ARMC2: variants seen among roughly 807,000 people sequenced by gnomAD.
ARMC2 encodes armadillo repeat-containing protein 2.
Under a neutral mutation model 90.3 loss-of-function variants are expected in ARMC2, and 67 were observed. The observed-to-expected ratio is 0.74, with a 90% CI of 0.61 to 0.91. ARMC2 has a LOEUF of 0.91. Among genes scored for constraint, ARMC2 ranks in the 40% least tolerant of loss-of-function variants. ARMC2 has a pLI of 0.00. For missense variants in ARMC2, 920 were observed against 1,030.9 expected, an observed-to-expected ratio of 0.89 and a Z score of 1.47; for synonymous variants, 393 against 393.0, an observed-to-expected ratio of 1.00 and a Z score of 0.00.
the ARMC2 span, among the ~76,000 whole-genome samples, chr6:108,983,322 TTC>T: frequency 1.3e-5 from 2 of 152,224 alleles, no homozygotes; most frequent in Non-Finnish European, 2.9e-5. Flanking sequence ...TGCCCATAAT[TTC>T]TGTGTCATAT....
At chr6:108,994,913 C>A in the ARMC2 span, among the ~76,000 whole-genome samples, 3 of 152,018 alleles carry the variant, frequency 2.0e-5, no homozygotes, top group Non-Finnish European at 4.4e-5. Context: ...CCGTGTTAGC[C>A]AGGAATGGTC....
chr6:108,929,505 C>T (rs187203862), intron 11 of ARMC2, among the ~76,000 whole-genome samples: 44 of 152,194 alleles, frequency 2.9e-4, no homozygotes, highest in Admixed American at 2.4e-3. Flanking sequence ...GATGGGGTCT[C>T]GCTTTGTCAC....
intron 3 of ARMC2, 90 bp from the exon 4 acceptor site, chr6:108,868,734 C>A: frequency 1.6e-6 from 2 of 1,227,566 alleles, no homozygotes; most frequent in Non-Finnish European, 2.3e-6. Context: ...AGGCCTTGTG[C>A]TCTTCTGGAA....
chr6:108,898,012 C>T (rs1009426466), intron 6 of ARMC2, among the ~76,000 whole-genome samples: 2 of 151,980 alleles, frequency 1.3e-5, no homozygotes, highest in Non-Finnish European at 2.9e-5. Flanking sequence ...CAGAAGAGCG[C>T]ATAAAAGAAA....
At chr6:109,017,995 C>T in the ARMC2 span, among the ~76,000 whole-genome samples, 3 of 152,108 alleles carry the variant, frequency 2.0e-5, no homozygotes, top group African/African-American at 7.2e-5. Flanking sequence ...GGCGAGAACC[C>T]TGTCTCTTTC....
At chr6:108,850,360 T>C (rs891856145) in intron 1 of ARMC2, among the ~76,000 whole-genome samples, 3 of 152,180 alleles carry the variant, frequency 2.0e-5, no homozygotes, top group Admixed American at 6.5e-5. Flanking sequence ...CTGGCTCCCC[T>C]AGGTTTGCAT....
chr6:108,854,555 C>A, intron 2 of ARMC2, 70 bp downstream of exon 2: 1 of 1,426,372 alleles, frequency 7.0e-7, no homozygotes, highest in Non-Finnish European at 9.7e-7. Context: ...CTTAATTCTA[C>A]TTAAGGTTAG....
chr6:108,867,256 G>C lies in ARMC2; in HGVS notation c.292-1568G>C, dbSNP rs147128951. Among the ~76,000 whole-genome samples the C allele has an allele frequency of 4.0e-3, 616 of 152,292 alleles. 2 individuals carry two copies. The highest frequency in any genetic ancestry group is 0.014 in the African/African-American group (577 of 41,544). Reference sequence around the variant, plus strand: ...AGGCAACTGTAAAACTAGGAGCTGAGTCACCCTGTGAGGGTCTGGCATCAG... The same window carrying C: ...AGGCAACTGTAAAACTAGGAGCTGACTCACCCTGTGAGGGTCTGGCATCAG... On this transcript the variant is annotated intron_variant, in intron 3 of 17. Coordinates refer to ENST00000392644, the MANE Select transcript of ARMC2 (RefSeq NM_032131.6).
At chr6:108,993,870 G>A in the ARMC2 span, among the ~76,000 whole-genome samples, 6 of 151,584 alleles carry the variant, frequency 4.0e-5, no homozygotes, top group South Asian at 2.1e-4. Flanking sequence ...ACAAACTGCC[G>A]TGCCCAAAAA....
the ARMC2 span, chr6:109,000,604 C>A: frequency 1.2e-6 from 2 of 1,612,048 alleles, no homozygotes; most frequent in East Asian, 4.5e-5. Context: ...CACTTGGGGT[C>A]CCCACCAACA....
In ARMC2 at chr6:108,854,324, A is replaced by G. The variant is rs763012770; in HGVS notation, c.57A>G (p.Ser19=). The G allele has an allele frequency of 3.7e-6, 6 of 1,612,706 alleles. No individual in the cohort carries two copies. The highest frequency in any genetic ancestry group is 3.3e-5 in the Admixed American group (2 of 59,862). ...LGKLDPFYQP[S]VSKQKTSAEI... ...AACTGGATCCATTTTATCAACCTTC[A>G]GTGTCCAAGCAGAAGACCAGTGCAG... Residue 19 remains serine, a synonymous_variant, in exon 2 of 18, where the codon TCA becomes TCG. Coordinates refer to ENST00000392644, the MANE Select transcript of ARMC2 (RefSeq NM_032131.6).
the ARMC2 span, among the ~76,000 whole-genome samples, chr6:109,051,356 A>C: frequency 6.6e-6 from 1 of 152,238 alleles, no homozygotes; most frequent in Non-Finnish European, 1.5e-5. Context: ...ACTTCAGTGA[A>C]AAATGTAACA....
At chr6:108,988,603 A>C in the ARMC2 span, 1 of 1,613,366 alleles carries the variant, frequency 6.2e-7, no homozygotes, top group East Asian at 2.2e-5. Context: ...TAACCTTTTC[A>C]GGAGTGCAAA....
the ARMC2 span, among the ~76,000 whole-genome samples, chr6:109,051,448 C>T: frequency 6.6e-6 from 1 of 152,216 alleles, no homozygotes; most frequent in African/African-American, 2.4e-5. Context: ...TATGAATGGA[C>T]TCTTTGAAGG....
the ARMC2 span, among the ~76,000 whole-genome samples, chr6:108,980,146 T>C: frequency 5.9e-5 from 9 of 152,226 alleles, no homozygotes; most frequent in Non-Finnish European, 1.2e-4. Context: ...CCTTTGGTCT[T>C]TGATGTTGGT....
At chr6:108,872,171 C>T (rs1030396534) in intron 4 of ARMC2, among the ~76,000 whole-genome samples, 2 of 152,202 alleles carry the variant, frequency 1.3e-5, no homozygotes, top group Admixed American at 6.5e-5. Flanking sequence ...TGCTACCCCA[C>T]AGGCAGGGCC....
intron 5 of ARMC2, among the ~76,000 whole-genome samples, chr6:108,891,251 C>T (rs1176252332): frequency 6.6e-6 from 1 of 152,140 alleles, no homozygotes; most frequent in African/African-American, 2.4e-5. Context: ...ATTTATAATC[C>T]TTTGGGTATA....
the ARMC2 span, among the ~76,000 whole-genome samples, chr6:109,001,821 C>T: frequency 2.0e-5 from 3 of 152,194 alleles, no homozygotes; most frequent in East Asian, 1.9e-4. Context: ...TTTACAAAAC[C>T]GCCTACTCTC....
chr6:108,901,515 A>G (rs1176691175), intron 7 of ARMC2, among the ~76,000 whole-genome samples: 1 of 151,828 alleles, frequency 6.6e-6, no homozygotes, highest in East Asian at 1.9e-4. Flanking sequence ...TCCTGGGTTC[A>G]AGCAATTCTT....
Sources: allele counts gnomAD v4.1 joint callset (sites outside exome capture counted in the v4.1 genomes callset), GRCh38; gene constraint gnomAD v4.1.1; transcripts MANE v1.5; gene names NCBI Gene and HGNC (gene_info 2026-07-23, HGNC 2026-07-21).